The following CLPTM1L variants were observed in gnomAD, a reference collection of about 807,000 sequenced individuals.
CLPTM1L encodes lipid scramblase CLPTM1L.
Under a neutral mutation model 70.9 loss-of-function variants are expected in CLPTM1L, and 38 were observed. That is an observed-to-expected ratio of 0.54 (90% CI 0.41 to 0.70). The LOEUF is 0.70. Ranked by LOEUF, CLPTM1L falls within the 30% of genes least tolerant of loss-of-function variation. CLPTM1L has a pLI of 0.00. For missense variants in CLPTM1L, 652 were observed against 705.9 expected, an observed-to-expected ratio of 0.92 and a Z score of 0.87; for synonymous variants, 339 against 299.9, an observed-to-expected ratio of 1.13 and a Z score of -1.35.
chr5:1,326,028 C>A lies in CLPTM1L; in HGVS notation c.1081-212G>T, dbSNP rs114270823. The A allele has an allele frequency of 2.0e-3, 1,145 of 563,704 alleles. 12 individuals carry two copies. The highest frequency in any genetic ancestry group is 0.02 in the African/African-American group (1,061 of 53,476). 34.9% of individuals were successfully genotyped at this position (563,704 alleles called of 1,614,324 possible). A position where few individuals can be genotyped will look rare whatever the true frequency, so the allele number is the denominator to read the frequency against. On this transcript the variant is annotated intron_variant, in intron 9 of 16. Transcript: ENST00000320895. ...CGGCAGGCGTACCTGGTCAGGTGGG[C>A]TGCACAGCCACCGCCCAGCGGACAA...
chr5:1,326,096 G>A, intron 9 of CLPTM1L: 1 of 449,692 alleles, frequency 2.2e-6, no homozygotes. Flanking sequence ...CACTCTGCCT[G>A]CACCCAAATA....
chr5:1,336,238 G>C (rs1283089188), intron 5 of CLPTM1L, among the ~76,000 whole-genome samples: 1 of 152,244 alleles, frequency 6.6e-6, no homozygotes, highest in Admixed American at 6.5e-5. Context: ...CCGACTTCCT[G>C]CACCTGCTGC....
intron 16 of CLPTM1L, among the ~76,000 whole-genome samples, chr5:1,319,876 A>G (rs1179324662): frequency 6.6e-6 from 1 of 152,208 alleles, no homozygotes; most frequent in Admixed American, 6.5e-5. Context: ...AGTGGTCCAG[A>G]TGCAACCCTC....
At chr5:1,332,867 A>G (rs1490116968) in intron 7 of CLPTM1L, among the ~76,000 whole-genome samples, 1 of 152,238 alleles carries the variant, frequency 6.6e-6, no homozygotes, top group African/African-American at 2.4e-5. Context: ...CAGACATCCA[A>G]TGAGGGTCTT....
At chr5:1,335,242 G>T (rs1164238196) in intron 5 of CLPTM1L, 68 bp from the exon 6 acceptor site, 1 of 1,225,254 alleles carries the variant, frequency 8.2e-7, no homozygotes, top group Non-Finnish European at 1.2e-6. Context: ...GGCAGCCCTC[G>T]CCAACCCTGC....
At chr5:1,322,366 A>G (rs1022091839) in intron 13 of CLPTM1L, among the ~76,000 whole-genome samples, 8 of 152,202 alleles carry the variant, frequency 5.3e-5, no homozygotes, top group African/African-American at 1.9e-4. Flanking sequence ...CTCCCAGGAC[A>G]TGTGGCCCCG....
chr5:1,324,017 G>A (rs1752350628), intron 11 of CLPTM1L, 148 bp from the exon 12 acceptor site: 1 of 648,436 alleles, frequency 1.5e-6, no homozygotes, highest in Non-Finnish European at 2.8e-6. Context: ...CGGCGTGAGG[G>A]GCACAGGCAG....
intron 16 of CLPTM1L, 197 bp downstream of exon 16, chr5:1,320,419 G>C (rs954610052): frequency 1.1e-5 from 5 of 473,504 alleles, no homozygotes; most frequent in African/African-American, 1.0e-4. Context: ...GACAGAGCTG[G>C]AACAGTTTCT....
chr5:1,320,300 A>G, intron 16 of CLPTM1L: 1 of 259,982 alleles, frequency 3.8e-6, no homozygotes, highest in East Asian at 8.2e-5. Context: ...GTTCTGCTCA[A>G]TAGCAATGAC....
At chr5:1,334,528 C>T in intron 6 of CLPTM1L, 145 bp from the exon 7 acceptor site, 1 of 604,336 alleles carries the variant, frequency 1.7e-6, no homozygotes, top group East Asian at 2.9e-5. Flanking sequence ...CTCAGGCAGG[C>T]AGATCACTTG....
chr5:1,330,386 G>A lies in CLPTM1L; in HGVS notation c.977-3C>T, dbSNP rs1261366046. 3.1e-6 allele frequency: 5 copies of A among 1,612,208 alleles called. No homozygotes were observed. Among genetic ancestry groups the A allele is most frequent in the South Asian group, 1.1e-5 (1 of 91,064 alleles). ...GGTGCTGAAGCAGCGCCAGAGCACTGGGGACAGGATGGTCGGGCTGGGAGG... is the reference window on the plus strand; with the variant it reads ...GGTGCTGAAGCAGCGCCAGAGCACTAGGGACAGGATGGTCGGGCTGGGAGG... On this transcript the variant is annotated splice_region_variant and splice_polypyrimidine_tract_variant and intron_variant, in intron 8 of 16. Coordinates refer to ENST00000320895, the MANE Select transcript of CLPTM1L (RefSeq NM_030782.5).
At position 1,337,939 on chromosome 5, in the gene CLPTM1L, T is replaced by C. The variant is rs147853995; in HGVS notation, c.643A>G (p.Ile215Val). Residue 215 changes from isoleucine to valine, a missense_variant, in exon 5 of 17, where the codon ATC becomes GTC. This residue lies in a region of CLPTM1L where 402 missense variants were observed against 388.2 expected (regional missense o/e 1.04). Coordinates refer to ENST00000320895, the MANE Select transcript of CLPTM1L (RefSeq NM_030782.5). ...TTCACGCGGTTGCTGAGCTGGTCGATGAACAGGATGGGCAGGTAATGCACG... is the reference window on the plus strand; with the variant it reads ...TTCACGCGGTTGCTGAGCTGGTCGACGAACAGGATGGGCAGGTAATGCACG... The part of the protein sequence containing the change: ...KTVHYLPILF[I>V]DQLSNRVKDL... The C allele has an allele frequency of 1.9e-5, 30 of 1,607,922 alleles. No homozygotes were observed. The highest frequency in any genetic ancestry group is 2.5e-5 in the Non-Finnish European group (29 of 1,178,198).
chr5:1,343,567 G>A (rs11948616), intron 2 of CLPTM1L, among the ~76,000 whole-genome samples: 13,703 of 152,220 alleles, frequency 0.09, 1,585 homozygotes, highest in African/African-American at 0.28. Context: ...ACAACCGAGC[G>A]GGCAGCTTGG....
At position 1,331,428 on chromosome 5, in the gene CLPTM1L, G is replaced by A. The variant is rs1458479910; in HGVS notation, c.976+371C>T. 1.6e-5 allele frequency: 5 copies of A among 308,896 alleles called. No homozygotes were observed. The East Asian group carries it at 2.2e-4, about 13-fold the overall frequency. The allele number at this position is 308,896 out of a possible 1,614,324, so 19.1% of individuals were successfully genotyped here. A position where few individuals can be genotyped will look rare whatever the true frequency, so the allele number is the denominator to read the frequency against. ...ACACCGGCGGGAGGACGGGGCGAGGGAACCAAGACAGGGGATGTGAGGCCC... is the reference window on the plus strand; with the variant it reads ...ACACCGGCGGGAGGACGGGGCGAGGAAACCAAGACAGGGGATGTGAGGCCC... On this transcript the variant is annotated intron_variant, in intron 8 of 16. Transcript: ENST00000320895.
chr5:1,333,255 T>A (rs1753261389), intron 7 of CLPTM1L, among the ~76,000 whole-genome samples: 1 of 69,422 alleles, frequency 1.4e-5, no homozygotes, highest in East Asian at 3.9e-4. Flanking sequence ...ACACACCAGA[T>A]AAGGGGGGAC....
At chr5:1,323,634 G>A (rs571375458) in intron 12 of CLPTM1L, among the ~76,000 whole-genome samples, 153 bp downstream of exon 12, 2 of 152,326 alleles carry the variant, frequency 1.3e-5, no homozygotes, top group African/African-American at 2.4e-5. Context: ...AGAGCCCACC[G>A]TGTGCAGCTG....
At chr5:1,337,849 T>A in intron 5 of CLPTM1L, 55 bp downstream of exon 5, 1 of 1,414,586 alleles carries the variant, frequency 7.1e-7, no homozygotes, top group Non-Finnish European at 9.8e-7. Context: ...GCGGGGCCAG[T>A]CTTGGGGTCA....
chr5:1,333,087 C>CA (rs1486172098), intron 7 of CLPTM1L, among the ~76,000 whole-genome samples: 4 of 92,494 alleles, frequency 4.3e-5, no homozygotes, highest in East Asian at 3.2e-4. Flanking sequence ...TGTATACACA[C>CA]CGGATGAGGA....
chr5:1,324,761 A>AC lies in CLPTM1L; in HGVS notation c.1197+1dup, dbSNP rs1422399059. The AC allele has an allele frequency of 6.2e-7, 1 of 1,613,972 alleles. No individual in the cohort carries two copies. The highest frequency in any genetic ancestry group is 8.5e-7 in the Non-Finnish European group (1 of 1,179,820). On this transcript the variant is annotated splice_donor_variant, in intron 11 of 16. Coordinates refer to ENST00000320895, the MANE Select transcript of CLPTM1L (RefSeq NM_030782.5). LOFTEE classifies it high-confidence loss of function. ...ACGTGCCCTGAATCACAAGTGACTT[A>AC]CCTGAGTATCGTACTCCTCGGTTTT...
Sources: allele counts gnomAD v4.1 joint callset (sites outside exome capture counted in the v4.1 genomes callset), GRCh38; gene constraint gnomAD v4.1.1; regional missense constraint gnomAD v4.1.1; transcripts MANE v1.5; gene names NCBI Gene and HGNC (gene_info 2026-07-23, HGNC 2026-07-21).